The following PIK3R6 variants were observed in gnomAD, a reference collection of about 807,000 sequenced individuals.
The protein encoded by PIK3R6 is phosphoinositide-3-kinase regulatory subunit 6.
Under a neutral mutation model 84.9 loss-of-function variants are expected in PIK3R6, and 91 were observed. The ratio of observed to expected loss-of-function variants is 1.07; its 90% CI spans 0.90 to 1.28. The LOEUF (loss-of-function observed/expected upper bound fraction) is 1.28. Among genes scored for constraint, PIK3R6 ranks in the 50% most tolerant of loss-of-function variants. The pLI is 0.00. For missense variants in PIK3R6, 996 were observed against 985.1 expected (o/e 1.01, Z -0.15); for synonymous variants, 416 against 411.4 (o/e 1.01, Z -0.13).
chr17:8,849,638 T>TAAAAAA lies in PIK3R6; in HGVS notation c.13+143_13+144insTTTTTT. 9.9e-6 allele frequency: 9 copies of TAAAAAA among 904,734 alleles called. No homozygotes were observed. The South Asian group carries it at 1.0e-4, about 10-fold the overall frequency. 56.0% of individuals were successfully genotyped at this position (904,734 alleles called of 1,614,324 possible). A position where few individuals can be genotyped will look rare whatever the true frequency, so the allele number is the denominator to read the frequency against. On this transcript the variant is annotated intron_variant, in intron 2 of 19. Coordinates refer to ENST00000619866, the MANE Select transcript of PIK3R6 (RefSeq NM_001010855.4). The stretch of plus-strand genomic sequence containing the variant: ...TCCAACTCTCAAGATGTTCTTACAT[T>TAAAAAA]TAGGCAGGATCCCTGAATTGGGGTC...
chr17:8,833,010 G>A lies in PIK3R6; in HGVS notation c.681C>T (p.His227=), dbSNP rs2088311442. 1.9e-6 allele frequency: 3 copies of A among 1,609,340 alleles called. No individual in the cohort carries two copies. The highest frequency in any genetic ancestry group is 2.2e-5 in the South Asian group (2 of 90,908). Residue 227 remains histidine (H), a synonymous_variant, in exon 9 of 20, where the codon CAC becomes CAT. Coordinates refer to ENST00000619866, the MANE Select transcript of PIK3R6 (RefSeq NM_001010855.4). ...SPRRTLEHYF[H]AVVAALEQMA... Reference sequence around the variant, plus strand: ...TCTGCTCCAAGGCGGCCACCACGGCGTGGAAATAGTGCTCCAGGGTGCGGC... The same window carrying A: ...TCTGCTCCAAGGCGGCCACCACGGCATGGAAATAGTGCTCCAGGGTGCGGC...
rs1209140889 is a variant in PIK3R6, at chr17:8,857,860, A to AC, written c.-91-7976dup. Among the ~76,000 whole-genome samples, 10 of 151,438 alleles carry AC rather than the reference A, an allele frequency of 6.6e-5. No individual in the cohort carries two copies. In the East Asian group the frequency reaches 1.8e-3, roughly 27 times the overall value. ...GGTTGCAGTGAGCTGCAATCGTGCC[A>AC]CTGCACACCAGCCTGGGCAACAAGA... On this transcript the variant is annotated intron_variant, in intron 1 of 19. Coordinates refer to ENST00000619866, the MANE Select transcript of PIK3R6 (RefSeq NM_001010855.4).
In PIK3R6 at chr17:8,839,508, G is replaced by T. The variant is rs2088602676; in HGVS notation, c.97+106C>A. On this transcript the variant is annotated intron_variant, in intron 3 of 19. Coordinates refer to ENST00000619866, the MANE Select transcript of PIK3R6 (RefSeq NM_001010855.4). The surrounding 1 kb of genome is among the most constrained non-coding windows in gnomAD (Gnocchi z 4.2). ...AAAGGGGTTTGGTGAGACGACCCTT[G>T]CCCCCTGAGCTCCAGGCCGGGGCTC... The T allele has an allele frequency of 2.4e-6, 2 of 848,828 alleles. No individual in the cohort carries two copies. The highest frequency in any genetic ancestry group is 3.5e-5 in the African/African-American group (2 of 57,142). The allele number at this position is 848,828 out of a possible 1,614,324, so 52.6% of individuals were successfully genotyped here. A position where few individuals can be genotyped will look rare whatever the true frequency, so the allele number is the denominator to read the frequency against.
intron 5 of PIK3R6, 101 bp from the exon 6 acceptor site, chr17:8,837,024 G>C (rs1177288601): frequency 1.1e-6 from 1 of 905,962 alleles, no homozygotes; most frequent in East Asian, 2.7e-5. Flanking sequence ...GGAGGGGCTT[G>C]GGAGAAGAGG....
intron 1 of PIK3R6, among the ~76,000 whole-genome samples, chr17:8,866,543 A>G (rs1325615122): frequency 6.6e-6 from 1 of 152,208 alleles, no homozygotes; most frequent in Middle Eastern, 3.4e-3. Context: ...CTGTCTCAAC[A>G]ACAACAAAAA....
At chr17:8,806,386 A>G (rs1439862373) in intron 18 of PIK3R6, among the ~76,000 whole-genome samples, 1 of 152,188 alleles carries the variant, frequency 6.6e-6, no homozygotes, top group Admixed American at 6.5e-5. Flanking sequence ...CGCCCTGCCC[A>G]TGGACCTAGC....
In PIK3R6 at chr17:8,836,879, A is replaced by C; in HGVS notation, c.303T>G (p.Phe101Leu). Reference protein sequence around the residue: ...TEELYQRIYAFCTRLLTLPTP... With the variant: ...TEELYQRIYALCTRLLTLPTP... ...TGGGCAGGGTCAGTAACCTTGTGCA[A>C]AAGGCATAGATTCTCTGGTAGAGCT... The change falls in exon 6 of 20, where the codon TTT becomes TTG. Residue 101 changes from phenylalanine to leucine, a missense_variant. Transcript: ENST00000619866. The C allele has an allele frequency of 1.9e-6, 3 of 1,561,946 alleles. No homozygotes were observed.
intron 18 of PIK3R6, among the ~76,000 whole-genome samples, chr17:8,817,898 T>C (rs974362102): frequency 6.6e-6 from 1 of 150,764 alleles, no homozygotes; most frequent in Non-Finnish European, 1.5e-5. Context: ...AGTTGGGTCA[T>C]GGCAGAGTTG....
intron 3 of PIK3R6, among the ~76,000 whole-genome samples, chr17:8,838,886 C>CA (rs1349363982): frequency 2.5e-5 from 1 of 40,744 alleles, no homozygotes; most frequent in East Asian, 9.7e-4. Context: ...GAAAGGAGGG[C>CA]AGGTGGGACA....
intron 17 of PIK3R6, 110 bp from the exon 18 acceptor site, chr17:8,819,308 C>T (rs559409505): frequency 1.4e-6 from 1 of 701,280 alleles, no homozygotes; most frequent in African/African-American, 1.8e-5. Context: ...AGCCCTGTCA[C>T]TCCTCCTTGG....
chr17:8,845,874 T>A (rs2088804122), intron 2 of PIK3R6, among the ~76,000 whole-genome samples: 1 of 152,078 alleles, frequency 6.6e-6, no homozygotes. Flanking sequence ...GGGGTGGAGA[T>A]TGCAGTGAGC....
chr17:8,845,141 C>T (rs2088786103), intron 2 of PIK3R6, among the ~76,000 whole-genome samples: 1 of 152,176 alleles, frequency 6.6e-6, no homozygotes, highest in Admixed American at 6.5e-5. Context: ...CGTGCAAGTG[C>T]ATGGGTCTTT....
At chr17:8,835,578 A>G in intron 7 of PIK3R6, 122 bp from the exon 8 acceptor site, 1 of 854,524 alleles carries the variant, frequency 1.2e-6, no homozygotes, top group Admixed American at 3.1e-5. Flanking sequence ...TAAAAAGAGG[A>G]GTCTCAGATT....
chr17:8,838,284 G>C, intron 4 of PIK3R6: 1 of 462,288 alleles, frequency 2.2e-6, no homozygotes, highest in Non-Finnish European at 3.9e-6. Flanking sequence ...GTATATTTAT[G>C]TTTATAGGTA....
At chr17:8,848,610 C>G (rs1028347383) in intron 2 of PIK3R6, among the ~76,000 whole-genome samples, 1 of 151,542 alleles carries the variant, frequency 6.6e-6, no homozygotes. Context: ...ATGGTACTCT[C>G]TTATGGGACC....
In PIK3R6 at chr17:8,803,743, G is replaced by A; in HGVS notation, c.2108+298C>T. On this transcript the variant is annotated intron_variant, in intron 19 of 19. Transcript: ENST00000619866. The surrounding 1 kb of genome is among the most constrained non-coding windows in gnomAD (Gnocchi z 5.0). The stretch of plus-strand genomic sequence containing the variant: ...CCACAGGTCAGCCTGTGTGGGAGGG[G>A]CCCGTGCCTGCAGAGGGGACTGGAT... 1.8e-6 allele frequency: 1 copy of A among 555,836 alleles called. No individual in the cohort carries two copies. 34.4% of individuals were successfully genotyped at this position (555,836 alleles called of 1,614,324 possible).
chr17:8,865,749 C>A (rs1276582281), intron 1 of PIK3R6, among the ~76,000 whole-genome samples: 1 of 151,970 alleles, frequency 6.6e-6, no homozygotes, highest in Non-Finnish European at 1.5e-5. Context: ...TTCTCAGATT[C>A]CCAAGGAGCC....
At position 8,803,046 on chromosome 17, in the gene PIK3R6, T is replaced by C; in HGVS notation, c.*227A>G. On this transcript the variant is annotated 3_prime_UTR_variant, in exon 20 of 20. Coordinates refer to ENST00000619866, the MANE Select transcript of PIK3R6 (RefSeq NM_001010855.4). The surrounding 1 kb of genome is among the most constrained non-coding windows in gnomAD (Gnocchi z 5.0). Reference sequence around the variant, plus strand: ...TATGAGAAGCTGGGCTTGGTGTGTATGTTCTCAAGCAGCGACAGCATTGCC... The same window carrying C: ...TATGAGAAGCTGGGCTTGGTGTGTACGTTCTCAAGCAGCGACAGCATTGCC... 1 of 555,294 alleles carries C rather than the reference T, an allele frequency of 1.8e-6. No individual in the cohort carries two copies. Among genetic ancestry groups the C allele is most frequent in the Non-Finnish European group, 3.2e-6 (1 of 313,086 alleles). 34.4% of individuals were successfully genotyped at this position (555,294 alleles called of 1,614,324 possible).
chr17:8,853,358 G>A (rs1413420018), intron 1 of PIK3R6, among the ~76,000 whole-genome samples: 2 of 150,784 alleles, frequency 1.3e-5, no homozygotes, highest in Admixed American at 1.3e-4. Flanking sequence ...GGTGGCGGGT[G>A]CCTGTAGTCC....
Sources: allele counts gnomAD v4.1 joint callset (sites outside exome capture counted in the v4.1 genomes callset), GRCh38; gene constraint gnomAD v4.1.1; non-coding constraint Gnocchi (gnomAD v3.1); transcripts MANE v1.5; gene names NCBI Gene and HGNC (gene_info 2026-07-23, HGNC 2026-07-21).